Variants in CFTR observed in about 807,000 individuals in gnomAD.
The protein encoded by CFTR is cystic fibrosis transmembrane conductance regulator.
In CFTR, 181 loss-of-function variants were observed where a neutral mutation model predicts 171.6. The observed-to-expected ratio is 1.05, with a 90% CI of 0.93 to 1.19. The LOEUF (loss-of-function observed/expected upper bound fraction) is 1.19. Among genes scored for constraint, CFTR ranks in the 50% most tolerant of loss-of-function variants. The probability of loss-of-function intolerance (pLI) is 0.00; values close to 1 mark genes in which losing one functional copy is unlikely to be tolerated. For missense variants in CFTR, 1,968 were observed against 1,734.7 expected (o/e 1.13, Z -2.39); for synonymous variants, 583 against 608.0 (o/e 0.96, Z 0.60).
intron 3 of CFTR, among the ~76,000 whole-genome samples, chr7:117,510,075 C>T (rs4148692): frequency 0.25 from 38,062 of 151,858 alleles, 5,023 homozygotes; most frequent in East Asian, 0.42. Flanking sequence ...TACACTTAGG[C>T]CCAGAATGTT....
In CFTR at chr7:117,601,745, G is replaced by A. The variant is rs35358095; in HGVS notation, c.2620-1081G>A. ...CAGTGTCATTTCTAATATTCCAATT[G>A]TGATAGTATCAACACAAGATTAAAT... On this transcript the variant is annotated intron_variant, in intron 15 of 26. Transcript: ENST00000003084. Among the ~76,000 whole-genome samples the A allele has an allele frequency of 6.4e-3, 979 of 152,194 alleles. 10 individuals are homozygous for A. The highest frequency in any genetic ancestry group is 0.023 in the South Asian group (112 of 4,826).
intron 1 of CFTR, among the ~76,000 whole-genome samples, chr7:117,490,849 C>T (rs903443337): frequency 2.6e-5 from 4 of 151,990 alleles, no homozygotes; most frequent in Non-Finnish European, 5.9e-5. Context: ...TGAATTAGAC[C>T]CAGTGCTTTC....
At chr7:117,601,790 G>A (rs1385559287) in intron 15 of CFTR, among the ~76,000 whole-genome samples, 5 of 152,244 alleles carry the variant, frequency 3.3e-5, no homozygotes, top group Admixed American at 2.0e-4. Flanking sequence ...TGGTTTATGA[G>A]AATGGAATGC....
At chr7:117,640,681 A>G (rs1216622696) in intron 22 of CFTR, among the ~76,000 whole-genome samples, 1 of 152,176 alleles carries the variant, frequency 6.6e-6, no homozygotes, top group Non-Finnish European at 1.5e-5. Context: ...AAATCATGAC[A>G]CATGATGAAT....
intron 22 of CFTR, among the ~76,000 whole-genome samples, chr7:117,630,399 G>C (rs535350730): frequency 5.3e-4 from 80 of 152,258 alleles, no homozygotes; most frequent in African/African-American, 1.9e-3. Context: ...GAACTGAGCT[G>C]TGTATTTGAA....
chr7:117,561,939 G>A (rs1168581070), intron 11 of CFTR, among the ~76,000 whole-genome samples: 1 of 152,040 alleles, frequency 6.6e-6, no homozygotes, highest in African/African-American at 2.4e-5. Context: ...TGAAAGTTAG[G>A]GCCTTGAAGA....
Position 117,645,530 on chromosome 7 carries a change from G to A in CFTR, c.3873+2937G>A, listed in dbSNP as rs902109198. 2.2e-4 allele frequency among the ~76,000 whole-genome samples: 33 copies of A among 152,302 alleles called. 1 individual carries two copies. Among genetic ancestry groups the A allele is most frequent in the Admixed American group, 5.9e-4 (9 of 15,288 alleles). The stretch of plus-strand genomic sequence containing the variant: ...TATGAAAGGCCAGCTCCCAAGCCCT[G>A]TTGTTGCTACTCCCCCACATCAGTC... On this transcript the variant is annotated intron_variant, in intron 23 of 26. Coordinates refer to ENST00000003084, the MANE Select transcript of CFTR (RefSeq NM_000492.4).
At chr7:117,518,035 G>A (rs895207579) in intron 3 of CFTR, among the ~76,000 whole-genome samples, 2 of 150,964 alleles carry the variant, frequency 1.3e-5, no homozygotes, top group Non-Finnish European at 3.0e-5. Context: ...TCTTTTGCTG[G>A]ATAGAACATG....
chr7:117,559,210 T>C (rs949342093), intron 10 of CFTR, among the ~76,000 whole-genome samples: 3 of 152,230 alleles, frequency 2.0e-5, no homozygotes, highest in Non-Finnish European at 4.4e-5. Context: ...ATCTGAATCA[T>C]GTGCCCCTTC....
intron 21 of CFTR, among the ~76,000 whole-genome samples, chr7:117,615,232 C>G (rs553253139): frequency 6.6e-6 from 1 of 152,066 alleles, no homozygotes; most frequent in East Asian, 1.9e-4. Flanking sequence ...TCATTTGTCA[C>G]CTAGTTTTTT....
In CFTR at chr7:117,534,274, A is replaced by G. The variant is rs397508735; in HGVS notation, c.490-2A>G. ...TTATCTAACTTTCCATTTTTCTTTT[A>G]GACTTTAAAGCTGTCAAGCCGTGTT... is the stretch of plus-strand genomic sequence containing the variant. On this transcript the variant is annotated splice_acceptor_variant, in intron 4 of 26. Transcript: ENST00000003084. LOFTEE classifies it high-confidence loss of function. 1 of 1,501,294 alleles carries G rather than the reference A, an allele frequency of 6.7e-7. No homozygotes were observed. The highest frequency in any genetic ancestry group is 1.7e-5 in the Admixed American group (1 of 59,720). 93.0% of individuals were successfully genotyped at this position (1,501,294 alleles called of 1,614,324 possible).
At chr7:117,558,798 A>G (rs1403284917) in intron 10 of CFTR, among the ~76,000 whole-genome samples, 3 of 151,870 alleles carry the variant, frequency 2.0e-5, no homozygotes, top group Non-Finnish European at 4.4e-5. Context: ...CTTATACCCC[A>G]TTTCCTTTGT....
At position 117,595,004 on chromosome 7, in the gene CFTR, C is replaced by A. The variant is rs1233428222; in HGVS notation, c.2565C>A (p.Val855=). 2 of 1,612,582 alleles carry A rather than the reference C, an allele frequency of 1.2e-6. No individual in the cohort carries two copies. The highest frequency in any genetic ancestry group is 2.7e-5 in the African/African-American group (2 of 74,808). The change falls in exon 15 of 27, where the codon GTC becomes GTA. Residue 855 remains valine, a synonymous_variant. Transcript: ENST00000003084. ...ACACATACCTTCGATATATTACTGT[C>A]CACAAGAGCTTAATTTTTGTGCTAA... ...TWNTYLRYIT[V]HKSLIFVLIW...
chr7:117,536,478 A>G lies in CFTR; in HGVS notation c.744-70A>G, dbSNP rs1483531964. ...AGAAATATGACTTAAAACCTTGAGCAGTTCTTAATAGATAATTTGACTTGT... is the reference window on the plus strand; with the variant it reads ...AGAAATATGACTTAAAACCTTGAGCGGTTCTTAATAGATAATTTGACTTGT... On this transcript the variant is annotated intron_variant, in intron 6 of 26. Transcript: ENST00000003084. The G allele has an allele frequency of 2.8e-6, 4 of 1,419,530 alleles. No homozygotes were observed. The African/African-American group carries it at 4.3e-5, about 15-fold the overall frequency. The allele number at this position is 1,419,530 out of a possible 1,614,324, so 87.9% of individuals were successfully genotyped here.
intron 11 of CFTR, among the ~76,000 whole-genome samples, chr7:117,584,848 G>A (rs1478966209): frequency 1.3e-5 from 2 of 151,910 alleles, no homozygotes; most frequent in Non-Finnish European, 2.9e-5. Flanking sequence ...ATTTCTTTGA[G>A]CAGCATTTTG....
intron 1 of CFTR, among the ~76,000 whole-genome samples, chr7:117,487,530 A>G (rs1045230729): frequency 1.3e-5 from 2 of 152,262 alleles, no homozygotes; most frequent in Admixed American, 1.3e-4. Context: ...TATTGTCTCC[A>G]GTGATTGAAT....
chr7:117,652,066 G>A (rs541884781), intron 23 of CFTR, among the ~76,000 whole-genome samples: 3 of 152,078 alleles, frequency 2.0e-5, no homozygotes, highest in African/African-American at 7.2e-5. Context: ...TATTGCACCG[G>A]CATTCCCCAA....
Position 117,606,681 on chromosome 7 carries a change from T to A in CFTR, c.2916T>A (p.Ile972=), listed in dbSNP as rs773273576. Residue 972 remains isoleucine (I), a synonymous_variant, in exon 18 of 27, where the codon ATT becomes ATA. Coordinates refer to ENST00000003084, the MANE Select transcript of CFTR (RefSeq NM_000492.4). ...TCATCTTGTATATTATAGGTGGGAT[T>A]CTTAATAGATTCTCCAAAGATATAG... ...STLNTLKAGG[I]LNRFSKDIAI... 1.4e-5 allele frequency: 22 copies of A among 1,556,236 alleles called. No individual in the cohort carries two copies. The highest frequency in any genetic ancestry group is 2.7e-5 in the African/African-American group (2 of 73,718).
In CFTR at chr7:117,642,472, G is replaced by A. The variant is rs74503330; in HGVS notation, c.3752G>A (p.Ser1251Asn). The change falls in exon 23 of 27, where the codon AGT (serine) becomes AAT (asparagine). Residue 1251 changes from serine to asparagine, a missense_variant. By Grantham distance (46) the Ser-to-Asn change is conservative (BLOSUM62 1). Coordinates refer to ENST00000003084, the MANE Select transcript of CFTR (RefSeq NM_000492.4). ...GLLGRTGSGK[S>N]TLLSAFLRLL... The stretch of plus-strand genomic sequence containing the variant: ...TTGGGAAGAACTGGATCAGGGAAGA[G>A]TACTTTGTTATCAGCTTTTTTGAGA... 16 of 1,613,738 alleles carry A rather than the reference G, an allele frequency of 9.9e-6. No homozygotes were observed. Among genetic ancestry groups the A allele is most frequent in the Non-Finnish European group, 1.1e-5 (13 of 1,179,726 alleles).
Sources: allele counts gnomAD v4.1 joint callset (sites outside exome capture counted in the v4.1 genomes callset), GRCh38; gene constraint gnomAD v4.1.1; transcripts MANE v1.5; gene names NCBI Gene and HGNC (gene_info 2026-07-23, HGNC 2026-07-21).